The following TENT4B variants were observed in gnomAD, a reference collection of about 807,000 sequenced individuals.
TENT4B encodes PAP associated domain containing 5.
In TENT4B, 10 loss-of-function variants were observed where a neutral mutation model predicts 75.0. The observed-to-expected ratio is 0.13, with a 90% confidence interval of 0.08 to 0.23. The LOEUF is 0.23. TENT4B is among the 10% of genes least tolerant of loss of function. The pLI is 1.00. For synonymous variants in TENT4B, 350 were observed against 357.7 expected (o/e 0.98, Z 0.24); for missense variants, 579 against 893.8 (o/e 0.65, Z 4.49).
chr16:50,188,511 A>G (rs1027430432), intron 1 of TENT4B, among the ~76,000 whole-genome samples: 1 of 152,356 alleles, frequency 6.6e-6, no homozygotes, highest in Non-Finnish European at 1.5e-5. Flanking sequence ...CATCTCGATG[A>G]TCCAGAACAG....
At chr16:50,217,775 T>TCTCTCTCTCTCTCTCC in intron 5 of TENT4B, 112 bp downstream of exon 5, 1 of 632,958 alleles carries the variant, frequency 1.6e-6, no homozygotes, top group Admixed American at 3.4e-5. Flanking sequence ...TCTCTCTCTC[T>TCTCTCTCTCTCTCTCC]TTTAAATAGA....
rs1226885974 is a variant in TENT4B at position 50,230,643 on chromosome 16, T to A, written c.*1315T>A. The stretch of plus-strand genomic sequence containing the variant: ...GTCATCCCATTCTTTATCCTCTTCT[T>A]TCATGGAATTGTTATCGTTAATTAA... On this transcript the variant is annotated 3_prime_UTR_variant, in exon 12 of 12. Transcript: ENST00000561678. The A allele has an allele frequency of 1.0e-6, 1 of 985,158 alleles. No homozygotes were observed. Among genetic ancestry groups the A allele is most frequent in the African/African-American group, 1.7e-5 (1 of 57,240 alleles). The allele number at this position is 985,158 out of a possible 1,614,324, so 61.0% of individuals were successfully genotyped here.
Position 50,232,170 on chromosome 16 carries a change from A to G in TENT4B, c.*2842A>G, listed in dbSNP as rs1276825673. 5.1e-6 allele frequency: 5 copies of G among 985,310 alleles called. No homozygotes were observed. The highest frequency in any genetic ancestry group is 1.2e-4 in the Admixed American group (2 of 16,260). The allele number at this position is 985,310 out of a possible 1,614,324, so 61.0% of individuals were successfully genotyped here. A position where few individuals can be genotyped will look rare whatever the true frequency, so the allele number is the denominator to read the frequency against. Reference sequence around the variant, plus strand: ...CTGGTTATGTTTTGATGATAAAAGTATATCCATTTTTTCCCTCCAGCTTTA... The same window carrying G: ...CTGGTTATGTTTTGATGATAAAAGTGTATCCATTTTTTCCCTCCAGCTTTA... On this transcript the variant is annotated 3_prime_UTR_variant, in exon 12 of 12. Transcript: ENST00000561678.
At chr16:50,193,125 G>T (rs913848565) in intron 1 of TENT4B, among the ~76,000 whole-genome samples, 2 of 152,110 alleles carry the variant, frequency 1.3e-5, no homozygotes, top group African/African-American at 4.8e-5. Context: ...AGAGGCTGGA[G>T]GTGAGCTGGG....
rs78918127 is a variant in TENT4B, at chr16:50,154,720, C to T, written c.638+461C>T. On this transcript the variant is annotated intron_variant, in intron 1 of 11. Transcript: ENST00000561678. ...GGTGTGTGAGTGTTTTTTGATGGTG[C>T]AGGACCCGGAGGTGCTTTCCTTGCC... is the stretch of plus-strand genomic sequence containing the variant. Among the ~76,000 whole-genome samples the T allele has an allele frequency of 6.4e-3, 975 of 152,188 alleles. 9 individuals are homozygous for T. The highest frequency in any genetic ancestry group is 0.023 in the African/African-American group (937 of 41,508).
Position 50,230,372 on chromosome 16 carries a change from CTT to C in TENT4B, c.*1046_*1047del, listed in dbSNP as rs2150754861. 1.0e-6 allele frequency: 1 copy of C among 984,182 alleles called. No individual in the cohort carries two copies. The highest frequency in any genetic ancestry group is 1.8e-5 in the African/African-American group (1 of 56,950). 61.0% of individuals were successfully genotyped at this position (984,182 alleles called of 1,614,324 possible). ...GCAGTGAAACTTCGAGTTCCACAGA[CTT>C]TGCATGCTGGCTTCTCTAACCCTGT... On this transcript the variant is annotated 3_prime_UTR_variant, in exon 12 of 12. Coordinates refer to ENST00000561678, the MANE Select transcript of TENT4B (RefSeq NM_001365324.3).
At chr16:50,192,246 A>G (rs2150710432) in intron 1 of TENT4B, among the ~76,000 whole-genome samples, 1 of 152,150 alleles carries the variant, frequency 6.6e-6, no homozygotes, top group Admixed American at 6.5e-5. Flanking sequence ...AAAAAAAAAA[A>G]AAATCATTAA....
At position 50,153,475 on chromosome 16, in the gene TENT4B, C is replaced by T. The variant is rs1217392306; in HGVS notation, c.-147C>T. The T allele has an allele frequency of 1.0e-6, 1 of 972,076 alleles. No homozygotes were observed. The highest frequency in any genetic ancestry group is 6.4e-5 in the Admixed American group (1 of 15,660). The allele number at this position is 972,076 out of a possible 1,614,324, so 60.2% of individuals were successfully genotyped here. A position where few individuals can be genotyped will look rare whatever the true frequency, so the allele number is the denominator to read the frequency against. ...GGGCTCCCTGCGCGACCGCGCCGCC[C>T]GCGGCGGGCCCCGAGCAGCAGCAGC... On this transcript the variant is annotated 5_prime_UTR_variant, in exon 1 of 12. Transcript: ENST00000561678.
chr16:50,168,827 G>A (rs1383654890), intron 1 of TENT4B, among the ~76,000 whole-genome samples: 1 of 151,584 alleles, frequency 6.6e-6, no homozygotes, highest in Non-Finnish European at 1.5e-5. Flanking sequence ...TGTATTTTTA[G>A]TAGAGATGGG....
upstream of TENT4B, chr16:50,153,004 G>C: frequency 6.6e-7 from 1 of 1,517,690 alleles, no homozygotes; most frequent in Non-Finnish European, 8.8e-7. Flanking sequence ...GAGAAGCCGC[G>C]CGCGCCTCAG....
chr16:50,167,297 G>A (rs1043858636), intron 1 of TENT4B, among the ~76,000 whole-genome samples: 4 of 152,030 alleles, frequency 2.6e-5, no homozygotes, highest in African/African-American at 9.7e-5. Context: ...AGCCATCGTG[G>A]GCCTCTGGCC....
rs984627541 is a variant in TENT4B at position 50,209,900 on chromosome 16, CTT to C, written c.639-1416_639-1415del. 3.9e-5 allele frequency among the ~76,000 whole-genome samples: 6 copies of C among 152,230 alleles called. No homozygotes were observed. The East Asian group carries it at 1.2e-3, about 29-fold the overall frequency. ...GTCTTTGGGGATTGGGATGTAGACA[CTT>C]TTTTTTCCTTCCCTAAAACAATTTT... On this transcript the variant is annotated intron_variant, in intron 1 of 11. Coordinates refer to ENST00000561678, the MANE Select transcript of TENT4B (RefSeq NM_001365324.3).
intron 1 of TENT4B, among the ~76,000 whole-genome samples, chr16:50,176,463 G>T (rs2038311367): frequency 8.5e-6 from 1 of 118,056 alleles, no homozygotes; most frequent in Non-Finnish European, 1.7e-5. Context: ...AACCTGTGTT[G>T]TTCCAGTGTC....
intron 4 of TENT4B, among the ~76,000 whole-genome samples, chr16:50,216,439 G>A (rs2031557365): frequency 6.6e-6 from 1 of 152,072 alleles, no homozygotes; most frequent in East Asian, 1.9e-4. Flanking sequence ...GCCTCTTGGG[G>A]AGCTGTACTA....
chr16:50,177,216 T>A (rs1167420741), intron 1 of TENT4B, among the ~76,000 whole-genome samples: 1 of 152,062 alleles, frequency 6.6e-6, no homozygotes, highest in Non-Finnish European at 1.5e-5. Flanking sequence ...TGGGCCAGGC[T>A]GGTCTTGAAC....
Position 50,233,236 on chromosome 16 carries a change from A to G in TENT4B, c.*3908A>G. 2 of 985,266 alleles carry G rather than the reference A, an allele frequency of 2.0e-6. No individual in the cohort carries two copies. Among genetic ancestry groups the G allele is most frequent in the Non-Finnish European group, 2.4e-6 (2 of 829,752 alleles). 61.0% of individuals were successfully genotyped at this position (985,266 alleles called of 1,614,324 possible). A position where few individuals can be genotyped will look rare whatever the true frequency, so the allele number is the denominator to read the frequency against. On this transcript the variant is annotated 3_prime_UTR_variant, in exon 12 of 12. Coordinates refer to ENST00000561678, the MANE Select transcript of TENT4B (RefSeq NM_001365324.3). ...AGCATTAAAGTGGGAACAAAGATTT[A>G]TATATGAAATTCCTTAAAAGAGTTC...
intron 1 of TENT4B, among the ~76,000 whole-genome samples, chr16:50,184,496 G>T (rs942159533): frequency 1.2e-4 from 18 of 151,910 alleles, no homozygotes; most frequent in Admixed American, 1.0e-3. Context: ...GTGAAACCCC[G>T]TCTCTACTAA....
chr16:50,184,568 G>A (rs537003080), intron 1 of TENT4B, among the ~76,000 whole-genome samples: 1 of 152,322 alleles, frequency 6.6e-6, no homozygotes, highest in African/African-American at 2.4e-5. Flanking sequence ...GCAGGAGGCT[G>A]AGGCAGGAGA....
intron 5 of TENT4B, among the ~76,000 whole-genome samples, chr16:50,219,424 G>A (rs1596744248): frequency 1.3e-5 from 2 of 152,232 alleles, no homozygotes; most frequent in Non-Finnish European, 2.9e-5. Flanking sequence ...TGGTTACACA[G>A]GCAGTAGTCT....
Sources: gnomAD v4.1 joint callset for allele counts (sites outside exome capture counted in the v4.1 genomes callset) on GRCh38, gnomAD v4.1.1 for gene constraint, MANE v1.5 for transcripts, NCBI Gene and HGNC (gene_info 2026-07-23, HGNC 2026-07-21) for gene names.